The following TMEM132D variants were observed in gnomAD, a reference collection of about 807,000 sequenced individuals.
TMEM132D encodes the protein mature OL transmembrane protein.
Under a neutral mutation model 62.3 loss-of-function variants are expected in TMEM132D, and 21 were observed. The ratio of observed to expected loss-of-function variants is 0.34; its 90% CI spans 0.24 to 0.49. The LOEUF is 0.49. Among genes scored for constraint, TMEM132D ranks in the 20% least tolerant of loss-of-function variants. The probability of loss-of-function intolerance (pLI) is 0.99; values close to 1 mark genes in which losing one functional copy is unlikely to be tolerated. For missense variants in TMEM132D, 1,346 were observed against 1,402.8 expected (o/e 0.96, Z 0.65); for synonymous variants, 621 against 575.6 (o/e 1.08, Z -1.13).
At chr12:129,267,531 G>A (rs902918644) in intron 4 of TMEM132D, among the ~76,000 whole-genome samples, 1 of 152,124 alleles carries the variant, frequency 6.6e-6, no homozygotes, top group African/African-American at 2.4e-5. Flanking sequence ...AATGAAATAA[G>A]AGGACACAAA....
chr12:129,180,913 C>A (rs2135550976), intron 5 of TMEM132D, among the ~76,000 whole-genome samples: 1 of 152,028 alleles, frequency 6.6e-6, no homozygotes, highest in South Asian at 2.1e-4. Flanking sequence ...AGAGAGGAGT[C>A]TAGAATGTTT....
At chr12:129,407,855 A>C (rs1188107548) in intron 3 of TMEM132D, among the ~76,000 whole-genome samples, 1 of 149,530 alleles carries the variant, frequency 6.7e-6, no homozygotes, top group Admixed American at 6.7e-5. Flanking sequence ...GCACCACTGC[A>C]CTCCAGCCTG....
At chr12:129,665,462 A>G (rs909143244) in intron 2 of TMEM132D, among the ~76,000 whole-genome samples, 1 of 152,074 alleles carries the variant, frequency 6.6e-6, no homozygotes, top group Non-Finnish European at 1.5e-5. Context: ...ACAAAAGGCC[A>G]TCTTTGCGGA....
chr12:129,616,962 GTTT>G (rs1254543063), intron 2 of TMEM132D, among the ~76,000 whole-genome samples: 1 of 152,176 alleles, frequency 6.6e-6, no homozygotes, highest in Non-Finnish European at 1.5e-5. Flanking sequence ...TTGTTTGTGG[GTTT>G]TTGTTTCATT....
chr12:129,385,824 G>A (rs1027161792), intron 3 of TMEM132D, among the ~76,000 whole-genome samples: 1 of 152,218 alleles, frequency 6.6e-6, no homozygotes, highest in South Asian at 2.1e-4. Context: ...AACCCCTGGT[G>A]CATACTTAAC....
intron 3 of TMEM132D, among the ~76,000 whole-genome samples, chr12:129,473,397 T>C (rs2137048622): frequency 7.3e-6 from 1 of 136,088 alleles, no homozygotes; most frequent in East Asian, 2.4e-4. Context: ...TGGCATGATC[T>C]CGGCTCACTG....
chr12:129,475,487 T>A (rs1016359333), intron 3 of TMEM132D, among the ~76,000 whole-genome samples: 2 of 152,008 alleles, frequency 1.3e-5, no homozygotes, highest in African/African-American at 4.8e-5. Context: ...AATAAAGGAG[T>A]CAGGTCTTCT....
chr12:129,235,181 T>C (rs1255108471), intron 4 of TMEM132D, among the ~76,000 whole-genome samples: 1 of 152,252 alleles, frequency 6.6e-6, no homozygotes, highest in Non-Finnish European at 1.5e-5. Context: ...TTACCTATAA[T>C]AAACTCATCC....
intron 2 of TMEM132D, among the ~76,000 whole-genome samples, chr12:129,660,397 C>A (rs962055226): frequency 2.6e-5 from 4 of 152,140 alleles, no homozygotes; most frequent in African/African-American, 9.7e-5. Flanking sequence ...CCTGCCTCCT[C>A]TGCTGGCCTC....
chr12:129,558,851 G>A (rs1877134702), intron 2 of TMEM132D, among the ~76,000 whole-genome samples: 3 of 152,166 alleles, frequency 2.0e-5, no homozygotes, highest in Non-Finnish European at 4.4e-5. Context: ...GTTGTCCTGA[G>A]AAACACTGAA....
intron 2 of TMEM132D, among the ~76,000 whole-genome samples, chr12:129,675,868 A>T (rs1450845477): frequency 6.6e-6 from 1 of 152,158 alleles, no homozygotes; most frequent in Non-Finnish European, 1.5e-5. Context: ...TGCAGGGAAA[A>T]ACTTAACCAT....
chr12:129,081,538 C>A (rs899481719), intron 7 of TMEM132D, among the ~76,000 whole-genome samples: 5 of 152,060 alleles, frequency 3.3e-5, no homozygotes, highest in African/African-American at 9.7e-5. Context: ...GAGCTCATGA[C>A]CTGCCCGCCT....
At chr12:129,397,079 A>G (rs1471204974) in intron 3 of TMEM132D, among the ~76,000 whole-genome samples, 2 of 152,176 alleles carry the variant, frequency 1.3e-5, no homozygotes, top group Non-Finnish European at 2.9e-5. Context: ...GAGCAGAAAA[A>G]TAACCCCATT....
intron 2 of TMEM132D, among the ~76,000 whole-genome samples, chr12:129,613,403 TGACA>T (rs796901128): frequency 2.5e-4 from 38 of 152,308 alleles, no homozygotes; most frequent in African/African-American, 8.7e-4. Flanking sequence ...AAACAGAGAA[TGACA>T]GACACTCTCG....
At chr12:129,734,206 G>A (rs1256335285) in intron 1 of TMEM132D, among the ~76,000 whole-genome samples, 1 of 152,164 alleles carries the variant, frequency 6.6e-6, no homozygotes, top group Non-Finnish European at 1.5e-5. Context: ...CAATCATTCT[G>A]TCCTGGTATT....
intron 3 of TMEM132D, among the ~76,000 whole-genome samples, chr12:129,500,759 A>C (rs1450040441): frequency 6.6e-6 from 1 of 152,156 alleles, no homozygotes; most frequent in Non-Finnish European, 1.5e-5. Context: ...AAGAAACTAC[A>C]CATTCAGTTT....
chr12:129,562,854 A>G (rs913033766), intron 2 of TMEM132D, among the ~76,000 whole-genome samples: 1 of 152,246 alleles, frequency 6.6e-6, no homozygotes, highest in East Asian at 1.9e-4. Flanking sequence ...CGGTTTACAG[A>G]AAGTCCTCTT....
intron 1 of TMEM132D, among the ~76,000 whole-genome samples, chr12:129,808,817 C>CTTTT (rs11404670): frequency 1.3e-5 from 2 of 148,280 alleles, no homozygotes; most frequent in African/African-American, 4.9e-5. Flanking sequence ...TGAGTGAATA[C>CTTTT]TTTTTTTTTT....
At chr12:129,452,917 G>A (rs7961811) in intron 3 of TMEM132D, among the ~76,000 whole-genome samples, 64,252 of 151,926 alleles carry the variant, frequency 0.42, 13,760 homozygotes, top group Admixed American at 0.47. Flanking sequence ...TTGTAGATCA[G>A]GGGTCCCCAA....
Sources: allele counts gnomAD v4.1 joint callset (sites outside exome capture counted in the v4.1 genomes callset), GRCh38; gene constraint gnomAD v4.1.1; transcripts MANE v1.5; gene names NCBI Gene and HGNC (gene_info 2026-07-23, HGNC 2026-07-21).